The following MKLN1 variants were observed in gnomAD, a reference collection of about 807,000 sequenced individuals.
MKLN1 encodes the protein muskelin.
Under a neutral mutation model 99.0 loss-of-function variants are expected in MKLN1, and 18 were observed. That is an observed-to-expected ratio of 0.18 (90% CI 0.13 to 0.27). The LOEUF (loss-of-function observed/expected upper bound fraction) is 0.27. Among genes scored for constraint, MKLN1 ranks in the 10% least tolerant of loss-of-function variants. The pLI is 1.00. For synonymous variants in MKLN1, 288 were observed against 293.2 expected, an observed-to-expected ratio of 0.98 and a Z score of 0.18; for missense variants, 621 against 875.9, an observed-to-expected ratio of 0.71 and a Z score of 3.67.
At chr7:131,232,415 G>C (rs1256151386) in intron 3 of MKLN1, among the ~76,000 whole-genome samples, 2 of 152,100 alleles carry the variant, frequency 1.3e-5, no homozygotes, top group African/African-American at 4.8e-5. Context: ...AAATTTATAG[G>C]ATTGGTTTAG....
chr7:131,162,904 C>A (rs1796075454), intron 2 of MKLN1, among the ~76,000 whole-genome samples: 1 of 152,182 alleles, frequency 6.6e-6, no homozygotes, highest in Admixed American at 6.5e-5. Flanking sequence ...TAATGGGCTA[C>A]TAGAAAATGT....
intron 1 of MKLN1, among the ~76,000 whole-genome samples, chr7:131,140,818 C>T (rs1584786743): frequency 1.3e-5 from 2 of 150,696 alleles, no homozygotes. Flanking sequence ...CTCGCTTTGT[C>T]GCCCAGGCTG....
intron 1 of MKLN1, among the ~76,000 whole-genome samples, chr7:131,331,809 G>A (rs1799084117): frequency 6.6e-6 from 1 of 152,158 alleles, no homozygotes; most frequent in East Asian, 1.9e-4. Flanking sequence ...TGATGTTTAA[G>A]ATTTTAGTAT....
intron 3 of MKLN1, among the ~76,000 whole-genome samples, chr7:131,244,602 T>C (rs1797457028): frequency 6.6e-6 from 1 of 152,122 alleles, no homozygotes; most frequent in African/African-American, 2.4e-5. Context: ...AGAAGGTGGG[T>C]TGCTACTAGG....
chr7:131,428,568 A>G (rs1339701158), intron 8 of MKLN1, among the ~76,000 whole-genome samples: 2 of 152,226 alleles, frequency 1.3e-5, no homozygotes, highest in African/African-American at 2.4e-5. Context: ...CTTTTACACT[A>G]TATATTCCTC....
chr7:131,126,539 G>A (rs911719407), intron 1 of MKLN1, among the ~76,000 whole-genome samples: 1 of 152,088 alleles, frequency 6.6e-6, no homozygotes, highest in Non-Finnish European at 1.5e-5. Context: ...CCATTAAATG[G>A]TGGTGCATCC....
intron 1 of MKLN1, among the ~76,000 whole-genome samples, chr7:131,111,165 G>A (rs1248353840): frequency 1.3e-5 from 2 of 152,124 alleles, no homozygotes; most frequent in East Asian, 1.9e-4. Context: ...TAGAGGTAAG[G>A]GGTTGATGGG....
intron 2 of MKLN1, among the ~76,000 whole-genome samples, chr7:131,157,334 G>A (rs527648158): frequency 3.0e-4 from 46 of 152,160 alleles, no homozygotes; most frequent in Non-Finnish European, 5.3e-4. Context: ...GGAGGTCAAG[G>A]CTGCAGTGAG....
chr7:131,131,937 G>A (rs1427541366), intron 1 of MKLN1, among the ~76,000 whole-genome samples: 2 of 152,156 alleles, frequency 1.3e-5, no homozygotes, highest in African/African-American at 2.4e-5. Context: ...TGATAAGCAG[G>A]TTGAGACTCA....
intron 10 of MKLN1, among the ~76,000 whole-genome samples, chr7:131,438,886 T>C (rs1795748823): frequency 6.6e-6 from 1 of 152,118 alleles, no homozygotes; most frequent in African/African-American, 2.4e-5. Flanking sequence ...CCAGGGTCTT[T>C]ATTTATTGTG....
intron 17 of MKLN1, among the ~76,000 whole-genome samples, chr7:131,483,366 A>G (rs1038904905): frequency 2.6e-5 from 4 of 152,324 alleles, no homozygotes; most frequent in East Asian, 3.9e-4. Context: ...CTTTACACAC[A>G]CACAACCATA....
chr7:131,178,518 A>C (rs960989440), intron 2 of MKLN1, among the ~76,000 whole-genome samples: 1 of 151,988 alleles, frequency 6.6e-6, no homozygotes, highest in Non-Finnish European at 1.5e-5. Flanking sequence ...AATTAAATTG[A>C]AGTTTTGTTA....
At chr7:131,228,678 C>G (rs1797194292) in intron 3 of MKLN1, among the ~76,000 whole-genome samples, 1 of 152,232 alleles carries the variant, frequency 6.6e-6, no homozygotes, top group Admixed American at 6.5e-5. Flanking sequence ...ACATCTCATC[C>G]TTACCCTCTC....
At chr7:131,480,932 C>A (rs981769472) in intron 17 of MKLN1, among the ~76,000 whole-genome samples, 2 of 152,206 alleles carry the variant, frequency 1.3e-5, no homozygotes, top group African/African-American at 2.4e-5. Flanking sequence ...TTAAATATAT[C>A]AATTAGGGTG....
At chr7:131,303,657 G>A (rs1019510054) in intron 3 of MKLN1, among the ~76,000 whole-genome samples, 16 of 152,284 alleles carry the variant, frequency 1.1e-4, no homozygotes, top group Non-Finnish European at 2.4e-4. Flanking sequence ...AGGAATGCAC[G>A]CACTTGAGAA....
At chr7:131,165,925 G>A (rs1198730273) in intron 2 of MKLN1, among the ~76,000 whole-genome samples, 1 of 152,080 alleles carries the variant, frequency 6.6e-6, no homozygotes, top group Non-Finnish European at 1.5e-5. Flanking sequence ...GACTAGCCGG[G>A]GCAACATGGC....
intron 12 of MKLN1, among the ~76,000 whole-genome samples, chr7:131,447,191 G>C (rs963037096): frequency 6.6e-6 from 1 of 152,064 alleles, no homozygotes; most frequent in Admixed American, 6.6e-5. Flanking sequence ...AAACATCTTC[G>C]TCTATTACAA....
At chr7:131,484,738 G>A (rs1191329684) in intron 17 of MKLN1, among the ~76,000 whole-genome samples, 1 of 152,130 alleles carries the variant, frequency 6.6e-6, no homozygotes, top group African/African-American at 2.4e-5. Flanking sequence ...TTTCAGTGAG[G>A]TATAGTCTAC....
At chr7:131,395,959 T>C (rs977943402) in intron 4 of MKLN1, among the ~76,000 whole-genome samples, 2 of 152,026 alleles carry the variant, frequency 1.3e-5, no homozygotes, top group African/African-American at 4.8e-5. Flanking sequence ...TTTGCCATTA[T>C]AAATAGGACT....
Sources: gnomAD v4.1 joint callset for allele counts (sites outside exome capture counted in the v4.1 genomes callset) on GRCh38, gnomAD v4.1.1 for gene constraint, MANE v1.5 for transcripts, NCBI Gene and HGNC (gene_info 2026-07-23, HGNC 2026-07-21) for gene names.